Variants in PGGT1B observed in about 807,000 individuals in gnomAD.
PGGT1B encodes the protein geranylgeranyl transferase type-1 subunit beta.
PGGT1B carries 30 observed loss-of-function variants against 46.1 expected under a neutral mutation model. That is an observed-to-expected ratio of 0.65 (90% CI 0.49 to 0.88). PGGT1B has a LOEUF of 0.88. Among genes scored for constraint, PGGT1B ranks in the 40% least tolerant of loss-of-function variants. PGGT1B has a pLI of 0.00. For missense variants in PGGT1B, 376 were observed against 455.9 expected, an observed-to-expected ratio of 0.82 and a Z score of 1.60; for synonymous variants, 170 against 160.0, an observed-to-expected ratio of 1.06 and a Z score of -0.47.
intron 7 of PGGT1B, among the ~76,000 whole-genome samples, chr5:115,219,922 T>C (rs1756535756): frequency 6.6e-6 from 1 of 151,766 alleles, no homozygotes; most frequent in Non-Finnish European, 1.5e-5. Flanking sequence ...TTAATATATA[T>C]ACATAAAAAC....
At chr5:115,223,597 T>TA (rs1756657836) in intron 6 of PGGT1B, among the ~76,000 whole-genome samples, 1 of 152,172 alleles carries the variant, frequency 6.6e-6, no homozygotes, top group Non-Finnish European at 1.5e-5. Context: ...CATCTTGATT[T>TA]TAGCCCTGTA....
At chr5:115,262,007 C>A (rs982608566) in intron 1 of PGGT1B, among the ~76,000 whole-genome samples, 1 of 152,198 alleles carries the variant, frequency 6.6e-6, no homozygotes, top group South Asian at 2.1e-4. Context: ...AAGAACACAG[C>A]AAAAACAAGC....
chr5:115,260,037 C>T (rs1182335571), intron 1 of PGGT1B, among the ~76,000 whole-genome samples: 1 of 152,130 alleles, frequency 6.6e-6, no homozygotes, highest in East Asian at 1.9e-4. Flanking sequence ...ATTGATAAAG[C>T]TCCCAACCCA....
intron 6 of PGGT1B, among the ~76,000 whole-genome samples, chr5:115,230,636 T>G (rs1271024184): frequency 6.6e-6 from 1 of 152,172 alleles, no homozygotes; most frequent in African/African-American, 2.4e-5. Flanking sequence ...TATTCTATAT[T>G]TGGTCTAGCC....
intron 1 of PGGT1B, among the ~76,000 whole-genome samples, chr5:115,254,601 C>CTTT (rs57405842): frequency 5.6e-5 from 8 of 143,302 alleles, no homozygotes; most frequent in Admixed American, 2.1e-4. Context: ...GATTTCTTCT[C>CTTT]TTTTTTTTTT....
chr5:115,241,386 G>C (rs1382559361), intron 3 of PGGT1B, among the ~76,000 whole-genome samples, 153 bp downstream of exon 3: 1 of 152,056 alleles, frequency 6.6e-6, no homozygotes, highest in Non-Finnish European at 1.5e-5. Context: ...TCCTTTAAAG[G>C]ATTTCAGTTT....
chr5:115,232,283 T>TA lies in PGGT1B; in HGVS notation c.613-1263dup, dbSNP rs1237079085. On this transcript the variant is annotated intron_variant, in intron 5 of 8. Transcript: ENST00000419445. ...CTATAAGCAAGGGAAGAGCTTGTGA[T>TA]AAAAAAAGAGGAAGATGTTCTAGGG... Among the ~76,000 whole-genome samples, 9 of 151,968 alleles carry TA rather than the reference T, an allele frequency of 5.9e-5. No individual in the cohort carries two copies. In the East Asian group the frequency reaches 7.7e-4, roughly 13 times the overall value.
chr5:115,254,910 G>C (rs1478762962), intron 1 of PGGT1B, among the ~76,000 whole-genome samples: 1 of 152,086 alleles, frequency 6.6e-6, no homozygotes. Context: ...GGTAAGATCA[G>C]GATTATATTA....
At chr5:115,246,576 C>G (rs577206269) in intron 2 of PGGT1B, among the ~76,000 whole-genome samples, 16 of 152,238 alleles carry the variant, frequency 1.1e-4, no homozygotes, top group Middle Eastern at 6.8e-3. Flanking sequence ...TCAAACAGCA[C>G]CATCTAGTGT....
chr5:115,216,145 C>A (rs1382586839), intron 8 of PGGT1B, among the ~76,000 whole-genome samples: 2 of 149,000 alleles, frequency 1.3e-5, no homozygotes, highest in Non-Finnish European at 3.0e-5. Flanking sequence ...TATTTAATGA[C>A]TTTTTTTTTT....
rs994710953 is a variant in PGGT1B, at chr5:115,223,057, T to G, written c.659-1049A>C. On this transcript the variant is annotated intron_variant, in intron 6 of 8. Coordinates refer to ENST00000419445, the MANE Select transcript of PGGT1B (RefSeq NM_005023.4). ...GGGTGCAGCACACCAACATGGCACA[T>G]GTATACATATGTAACAAACCTGCAC... 6.6e-5 allele frequency among the ~76,000 whole-genome samples: 10 copies of G among 151,846 alleles called. No individual in the cohort carries two copies. In the East Asian group the frequency reaches 7.8e-4, roughly 12 times the overall value.
intron 2 of PGGT1B, among the ~76,000 whole-genome samples, chr5:115,251,651 C>T (rs546965989): frequency 6.6e-6 from 1 of 152,036 alleles, no homozygotes; most frequent in South Asian, 2.1e-4. Flanking sequence ...TCTATAAAGA[C>T]AATAGCTATT....
At chr5:115,221,529 C>A (rs999127216) in intron 7 of PGGT1B, among the ~76,000 whole-genome samples, 1 of 151,940 alleles carries the variant, frequency 6.6e-6, no homozygotes, top group African/African-American at 2.4e-5. Context: ...TTTTTTATTA[C>A]CTTATACCCA....
chr5:115,246,074 G>A (rs534820795), intron 2 of PGGT1B, among the ~76,000 whole-genome samples: 33 of 152,174 alleles, frequency 2.2e-4, no homozygotes, highest in African/African-American at 2.9e-4. Context: ...CACTTAGGCC[G>A]GGCGCGGTGG....
At chr5:115,217,813 A>G (rs1025105039) in intron 7 of PGGT1B, among the ~76,000 whole-genome samples, 3 of 151,982 alleles carry the variant, frequency 2.0e-5, no homozygotes, top group African/African-American at 7.2e-5. Flanking sequence ...TATAAGGAAA[A>G]AGACTTTTTT....
At chr5:115,223,377 G>C (rs2126996913) in intron 6 of PGGT1B, among the ~76,000 whole-genome samples, 1 of 152,260 alleles carries the variant, frequency 6.6e-6, no homozygotes, top group East Asian at 1.9e-4. Flanking sequence ...TATTATCTGG[G>C]TGGGCCCTAA....
In PGGT1B at chr5:115,262,761, G is replaced by C. The variant is rs749938031; in HGVS notation, c.91C>G (p.Arg31Gly). Residue 31 changes from arginine (R) to glycine (G), a missense_variant, in exon 1 of 9, where the codon CGC becomes GGC. Coordinates refer to ENST00000419445, the MANE Select transcript of PGGT1B (RefSeq NM_005023.4). ...LRDRHVRFFQ[R>G]CLQVLPERYS... ...CGCTCCGGCAAAACCTGGAGGCAGCGCTGGAAAAATCGCACGTGCCGATCC... is the reference window on the plus strand; with the variant it reads ...CGCTCCGGCAAAACCTGGAGGCAGCCCTGGAAAAATCGCACGTGCCGATCC... 8.1e-6 allele frequency: 13 copies of C among 1,613,296 alleles called. No homozygotes were observed. In the South Asian group the frequency reaches 1.3e-4, roughly 16 times the overall value.
chr5:115,224,436 A>T (rs1756696172), intron 6 of PGGT1B, among the ~76,000 whole-genome samples: 1 of 152,226 alleles, frequency 6.6e-6, no homozygotes, highest in Non-Finnish European at 1.5e-5. Context: ...TCCAGAAGTA[A>T]GTTTGGACTC....
At chr5:115,220,134 A>G (rs1266621456) in intron 7 of PGGT1B, among the ~76,000 whole-genome samples, 2 of 151,886 alleles carry the variant, frequency 1.3e-5, no homozygotes, top group South Asian at 2.1e-4. Flanking sequence ...GGACTTGAAC[A>G]TATATTTATA....
Sources: gnomAD v4.1 joint callset for allele counts (sites outside exome capture counted in the v4.1 genomes callset) on GRCh38, gnomAD v4.1.1 for gene constraint, MANE v1.5 for transcripts, NCBI Gene and HGNC (gene_info 2026-07-23, HGNC 2026-07-21) for gene names.